ZDHHC14: variants seen among roughly 807,000 people sequenced by gnomAD.
The protein encoded by ZDHHC14 is palmitoyltransferase ZDHHC14.
A neutral mutation model predicts 47.7 loss-of-function variants in ZDHHC14; 16 were observed. The ratio of observed to expected loss-of-function variants is 0.34; its 90% CI spans 0.23 to 0.51. ZDHHC14 has a LOEUF of 0.51. ZDHHC14 is among the 20% of genes least tolerant of loss of function. ZDHHC14 has a pLI of 0.97. For synonymous variants in ZDHHC14, 293 were observed against 278.9 expected, an observed-to-expected ratio of 1.05 and a Z score of -0.50; for missense variants, 515 against 662.5, an observed-to-expected ratio of 0.78 and a Z score of 2.44.
At chr6:157,496,378 C>G (rs534365342) in intron 1 of ZDHHC14, among the ~76,000 whole-genome samples, 2 of 152,180 alleles carry the variant, frequency 1.3e-5, no homozygotes, top group African/African-American at 4.8e-5. Context: ...GTTAACCCCC[C>G]CCATGCTATT....
chr6:157,568,935 A>G (rs1161104843), intron 2 of ZDHHC14, among the ~76,000 whole-genome samples: 1 of 152,014 alleles, frequency 6.6e-6, no homozygotes, highest in Non-Finnish European at 1.5e-5. Flanking sequence ...CCATTTTATC[A>G]CTGGACTATT....
intron 5 of ZDHHC14, among the ~76,000 whole-genome samples, chr6:157,639,411 TCTC>T (rs1294047192): frequency 6.6e-6 from 1 of 152,184 alleles, no homozygotes; most frequent in African/African-American, 2.4e-5. Context: ...TGCAAGCTAT[TCTC>T]CTGCCTCTGC....
At chr6:157,552,559 G>A (rs1460936710) in intron 2 of ZDHHC14, among the ~76,000 whole-genome samples, 1 of 152,168 alleles carries the variant, frequency 6.6e-6, no homozygotes, top group Non-Finnish European at 1.5e-5. Context: ...GGAACAAAAG[G>A]AAGCAAAGGA....
intron 1 of ZDHHC14, among the ~76,000 whole-genome samples, chr6:157,532,191 G>A (rs1781391534): frequency 6.6e-6 from 1 of 152,270 alleles, no homozygotes; most frequent in Admixed American, 6.5e-5. Flanking sequence ...GGGATGGGAG[G>A]AGAGCCTCAG....
chr6:157,481,545 C>G (rs911371287), intron 1 of ZDHHC14, among the ~76,000 whole-genome samples: 1 of 152,222 alleles, frequency 6.6e-6, no homozygotes, highest in Non-Finnish European at 1.5e-5. Flanking sequence ...AGCCCTGGAC[C>G]CTTCCCACCT....
chr6:157,393,281 A>G lies in ZDHHC14; in HGVS notation c.245+11015A>G, dbSNP rs1399984307. On this transcript the variant is annotated intron_variant, in intron 1 of 8. Coordinates refer to ENST00000359775, the MANE Select transcript of ZDHHC14 (RefSeq NM_024630.3). ...TAGATTTTAAAAACTGCTGACTTCC[A>G]TGCTGTTGAGAGCCATGGGAATGAG... Among the ~76,000 whole-genome samples the G allele has an allele frequency of 3.3e-5, 5 of 152,216 alleles. No homozygotes were observed. In the East Asian group the frequency reaches 9.6e-4, roughly 29 times the overall value.
intron 1 of ZDHHC14, among the ~76,000 whole-genome samples, chr6:157,397,703 T>A (rs920614073): frequency 6.6e-6 from 1 of 152,056 alleles, no homozygotes; most frequent in Non-Finnish European, 1.5e-5. Context: ...GATGTGGATG[T>A]TTTTGGGGGA....
rs1415632544 is a variant in ZDHHC14, at chr6:157,645,781, T to C, written c.797T>C (p.Val266Ala). Residue 266 changes from valine (V) to alanine (A), a missense_variant, in exon 6 of 9, where the codon GTT (valine) becomes GCT (alanine). Val to Ala is a moderately conservative substitution (Grantham distance 64, BLOSUM62 0). This residue lies in a region of ZDHHC14 where 229 missense variants were observed against 351.5 expected (regional missense o/e 0.65). Transcript: ENST00000359775. ...VVCFFSVWSI[V>A]GLSGFHTYLI... Reference sequence around the variant, plus strand: ...TGCTTCTTCTCTGTCTGGTCCATCGTTGGCCTCTCAGGATTCCACACCTAC... The same window carrying C: ...TGCTTCTTCTCTGTCTGGTCCATCGCTGGCCTCTCAGGATTCCACACCTAC... 1 of 1,614,040 alleles carries C rather than the reference T, an allele frequency of 6.2e-7. No homozygotes were observed. Among genetic ancestry groups the C allele is most frequent in the Non-Finnish European group, 8.5e-7 (1 of 1,180,048 alleles).
intron 8 of ZDHHC14, among the ~76,000 whole-genome samples, chr6:157,667,944 ACT>A (rs1179554858): frequency 1.3e-5 from 2 of 152,146 alleles, no homozygotes; most frequent in African/African-American, 4.8e-5. Flanking sequence ...ATCTGACAAA[ACT>A]CTGCTCTGTC....
intron 7 of ZDHHC14, among the ~76,000 whole-genome samples, chr6:157,651,627 G>A (rs142370899): frequency 1.8e-3 from 272 of 152,094 alleles, no homozygotes; most frequent in African/African-American, 6.3e-3. Context: ...GGAGTGCAAT[G>A]GCATGATCTT....
intron 1 of ZDHHC14, among the ~76,000 whole-genome samples, chr6:157,540,930 ATAT>A (rs1781735192): frequency 7.1e-6 from 1 of 141,354 alleles, no homozygotes; most frequent in African/African-American, 2.7e-5. Context: ...ATATATATAT[ATAT>A]AATTTCATAC....
intron 1 of ZDHHC14, among the ~76,000 whole-genome samples, chr6:157,535,142 C>A (rs947484420): frequency 7.2e-5 from 11 of 152,116 alleles, no homozygotes; most frequent in African/African-American, 2.2e-4. Flanking sequence ...GGTGTTTGGG[C>A]CCCACGGGCA....
chr6:157,612,794 C>T (rs1379066957), intron 3 of ZDHHC14, among the ~76,000 whole-genome samples: 1 of 151,688 alleles, frequency 6.6e-6, no homozygotes, highest in Non-Finnish European at 1.5e-5. Flanking sequence ...TTTGATGCTC[C>T]TCTTGCTGTA....
chr6:157,511,547 C>CTTTTTTTTTTTTTTTTTTTTTTTTTTTT (rs34988240), intron 1 of ZDHHC14, among the ~76,000 whole-genome samples: 9 of 114,884 alleles, frequency 7.8e-5, no homozygotes, highest in South Asian at 2.7e-4. Flanking sequence ...AGCCCGGGTA[C>CTTTTTTTTTTTTTTTTTTTTTTTTTTTT]TTTTTTTTTT....
intron 1 of ZDHHC14, among the ~76,000 whole-genome samples, chr6:157,397,447 G>T (rs1368014704): frequency 2.6e-5 from 4 of 152,048 alleles, no homozygotes; most frequent in Non-Finnish European, 4.4e-5. Flanking sequence ...GCCTTTTTCG[G>T]CTTCTGGAGC....
chr6:157,671,645 G>A (rs915442354), intron 8 of ZDHHC14, among the ~76,000 whole-genome samples: 1 of 152,150 alleles, frequency 6.6e-6, no homozygotes, highest in Non-Finnish European at 1.5e-5. Flanking sequence ...TATCTTCTTT[G>A]CCCAGTGAGC....
At chr6:157,511,689 C>G (rs547862515) in intron 1 of ZDHHC14, among the ~76,000 whole-genome samples, 193 of 152,066 alleles carry the variant, frequency 1.3e-3, no homozygotes, top group African/African-American at 4.4e-3. Context: ...CCACCGCGCC[C>G]GGCCCACATT....
rs368360701 is a variant in ZDHHC14, at chr6:157,593,190, C to T, written c.565+44C>T. 1.1e-3 allele frequency: 1,750 copies of T among 1,577,606 alleles called. 3 individuals are homozygous for T. Among genetic ancestry groups the T allele is most frequent in the Non-Finnish European group, 1.4e-3 (1,605 of 1,163,190 alleles). On this transcript the variant is annotated intron_variant, in intron 3 of 8. Coordinates refer to ENST00000359775, the MANE Select transcript of ZDHHC14 (RefSeq NM_024630.3). ...GAGCCTGGCGGGAGCCCGGGTCCTC[C>T]GGGTGGGTTTGCGCCTCTCCAACCC...
intron 8 of ZDHHC14, among the ~76,000 whole-genome samples, chr6:157,660,296 G>A (rs1415628477): frequency 6.6e-6 from 1 of 151,326 alleles, no homozygotes; most frequent in Non-Finnish European, 1.5e-5. Context: ...GAGTTCAAGC[G>A]ATTCTCCTGT....
Sources: gnomAD v4.1 joint callset for allele counts (sites outside exome capture counted in the v4.1 genomes callset) on GRCh38, gnomAD v4.1.1 for gene constraint, gnomAD v4.1.1 regional missense constraint, MANE v1.5 for transcripts, NCBI Gene and HGNC (gene_info 2026-07-23, HGNC 2026-07-21) for gene names.